The following ITFG2 variants were observed in gnomAD, a reference collection of about 807,000 sequenced individuals.
ITFG2 encodes the protein integrin alpha FG-GAP repeat containing 2, also known as KICSTOR complex protein ITFG2.
ITFG2 carries 36 observed loss-of-function variants against 54.4 expected under a neutral mutation model. The ratio of observed to expected loss-of-function variants is 0.66; its 90% CI spans 0.51 to 0.87. The LOEUF (loss-of-function observed/expected upper bound fraction) is 0.87. Ranked by LOEUF, ITFG2 falls within the 40% of genes least tolerant of loss-of-function variation. The probability of loss-of-function intolerance (pLI) is 0.00; values close to 1 mark genes in which losing one functional copy is unlikely to be tolerated. For missense variants in ITFG2, 524 were observed against 576.7 expected (o/e 0.91, Z 0.94); for synonymous variants, 211 against 225.4 (o/e 0.94, Z 0.57).
intron 1 of ITFG2, among the ~76,000 whole-genome samples, chr12:2,815,544 C>A (rs1456264568): frequency 1.3e-5 from 2 of 152,260 alleles, no homozygotes; most frequent in Non-Finnish European, 2.9e-5. Context: ...ATCAAAAGGC[C>A]TTGCTAGAGG....
At chr12:2,834,277 C>T (rs2098017343), upstream of ITFG2, among the ~76,000 whole-genome samples, 1 of 152,180 alleles carries the variant, frequency 6.6e-6, no homozygotes, top group South Asian at 2.1e-4. Flanking sequence ...AGCAGGAAGT[C>T]ACAACCCTAA....
At chr12:2,812,949 G>C in intron 1 of ITFG2, 93 bp downstream of exon 1, 2 of 1,043,170 alleles carry the variant, frequency 1.9e-6, no homozygotes, top group Non-Finnish European at 2.9e-6. Flanking sequence ...CCACGTGAGC[G>C]TGAGCATGCG....
At chr12:2,850,869 C>A (rs113266217) in intron 2 of ITFG2, among the ~76,000 whole-genome samples, 20,001 of 151,246 alleles carry the variant, frequency 0.13, 2,230 homozygotes, top group African/African-American at 0.3. Context: ...ATGGGGTTTC[C>A]CCATGTTGGC....
intron 2 of ITFG2, chr12:2,857,085 T>C (rs2098089787): frequency 1.4e-6 from 1 of 702,668 alleles, no homozygotes; most frequent in Non-Finnish European, 2.6e-6. Flanking sequence ...TCTGGCACCA[T>C]TGTTTACTCC....
chr12:2,821,625 G>A (rs778257310), intron 8 of ITFG2, 29 bp downstream of exon 8: 1 of 1,614,018 alleles, frequency 6.2e-7, no homozygotes, highest in South Asian at 1.1e-5. Flanking sequence ...GGGTGTGGGG[G>A]CTGTATGCCT....
intron 2 of ITFG2, chr12:2,841,035 C>G (rs1468787508): frequency 2.0e-5 from 3 of 152,656 alleles, no homozygotes; most frequent in African/African-American, 7.2e-5. Flanking sequence ...CTTATGTCCC[C>G]AAACCCGCCT....
At chr12:2,818,636 C>T (rs1055467869) in intron 4 of ITFG2, 4 of 316,086 alleles carry the variant, frequency 1.3e-5, no homozygotes, top group Non-Finnish European at 2.4e-5. Flanking sequence ...GCACTCCACT[C>T]CAGCGTGGGA....
At chr12:2,834,719 T>TG (rs776997648), upstream of ITFG2, 2 of 1,613,998 alleles carry the variant, frequency 1.2e-6, no homozygotes, top group Non-Finnish European at 8.5e-7. Flanking sequence ...AGGAACTGGG[T>TG]GGCCTGTTTG....
intron 2 of ITFG2, among the ~76,000 whole-genome samples, chr12:2,852,778 G>T (rs569430249): frequency 2.6e-5 from 4 of 152,178 alleles, no homozygotes; most frequent in Non-Finnish European, 4.4e-5. Context: ...GCCGAGTTGG[G>T]CCTGAGGTCG....
intron 9 of ITFG2, among the ~76,000 whole-genome samples, chr12:2,822,058 G>A (rs934036214): frequency 3.3e-5 from 5 of 151,852 alleles, no homozygotes; most frequent in Admixed American, 3.3e-4. Flanking sequence ...CTCCTGAGAA[G>A]CTGGGACTAC....
At chr12:2,817,980 C>G in intron 3 of ITFG2, 30 bp downstream of exon 3, 2 of 1,612,404 alleles carry the variant, frequency 1.2e-6, no homozygotes, top group South Asian at 2.2e-5. Context: ...TTCCTTGGTT[C>G]TTAGCTCACA....
At chr12:2,814,015 C>T (rs967877932) in intron 1 of ITFG2, among the ~76,000 whole-genome samples, 4 of 152,216 alleles carry the variant, frequency 2.6e-5, no homozygotes, top group Admixed American at 2.6e-4. Context: ...GCAATCGTAG[C>T]TCACTGCAGC....
chr12:2,852,910 G>A (rs1053872354), intron 2 of ITFG2, among the ~76,000 whole-genome samples: 3 of 151,950 alleles, frequency 2.0e-5, no homozygotes, highest in African/African-American at 7.2e-5. Context: ...GAGGCAGGGA[G>A]AATGGTTTGA....
intron 2 of ITFG2, among the ~76,000 whole-genome samples, chr12:2,853,828 C>G (rs1339662147): frequency 1.3e-5 from 2 of 152,056 alleles, no homozygotes; most frequent in African/African-American, 4.8e-5. Context: ...AGCGGCTCCT[C>G]TCAACGTTCC....
upstream of ITFG2, chr12:2,834,774 C>G: frequency 6.2e-7 from 1 of 1,613,878 alleles, no homozygotes; most frequent in South Asian, 1.1e-5. Flanking sequence ...GAAGCTGTGC[C>G]TCCTGCCCCC....
chr12:2,818,850 C>G (rs1226153251), intron 4 of ITFG2, among the ~76,000 whole-genome samples: 1 of 151,020 alleles, frequency 6.6e-6, no homozygotes, highest in African/African-American at 2.4e-5. Flanking sequence ...AAACTCTGTC[C>G]CTACTAAAAA....
intron 2 of ITFG2, chr12:2,855,161 C>G: frequency 6.6e-7 from 1 of 1,523,776 alleles, no homozygotes; most frequent in Non-Finnish European, 8.8e-7. Context: ...CAGCGCCAGA[C>G]ATTGCTATCG....
In ITFG2 at chr12:2,823,752, C is replaced by G. The variant is rs778907476; in HGVS notation, c.1067-18C>G. ...ACTGAAACTTCCTGACCTTTATCTC[C>G]CTGCCAACATCTTCCAGGCCTGTAC... On this transcript the variant is annotated intron_variant, in intron 10 of 11. Transcript: ENST00000228799. The G allele has an allele frequency of 6.5e-7, 1 of 1,529,576 alleles. No individual in the cohort carries two copies. The highest frequency in any genetic ancestry group is 8.8e-7 in the Non-Finnish European group (1 of 1,136,518). 94.8% of individuals were successfully genotyped at this position (1,529,576 alleles called of 1,614,324 possible). A position where few individuals can be genotyped will look rare whatever the true frequency, so the allele number is the denominator to read the frequency against.
At chr12:2,849,787 A>G (rs1419960015) in intron 2 of ITFG2, among the ~76,000 whole-genome samples, 2 of 152,202 alleles carry the variant, frequency 1.3e-5, no homozygotes, top group African/African-American at 2.4e-5. Flanking sequence ...CATACTGCAT[A>G]TAATATTATG....
Sources: gnomAD v4.1 joint callset for allele counts (sites outside exome capture counted in the v4.1 genomes callset) on GRCh38, gnomAD v4.1.1 for gene constraint, MANE v1.5 for transcripts, NCBI Gene and HGNC (gene_info 2026-07-23, HGNC 2026-07-21) for gene names.